The following ROBO1 variants were observed in gnomAD, a reference collection of about 807,000 sequenced individuals.
ROBO1 encodes roundabout guidance receptor 1.
In ROBO1, 149 loss-of-function variants were observed where a neutral mutation model predicts 195.9. That is an observed-to-expected ratio of 0.76 (90% CI 0.67 to 0.87). ROBO1 has a LOEUF of 0.87. ROBO1 is among the 40% of genes least tolerant of loss of function. The pLI, the probability that ROBO1 is intolerant of heterozygous loss-of-function variation, is 0.00. For synonymous variants in ROBO1, 816 were observed against 733.2 expected (o/e 1.11, Z -1.82); for missense variants, 1,933 against 2,068.3 (o/e 0.93, Z 1.27).
chr3:79,402,655 GA>G (rs1254275698), intron 2 of ROBO1, among the ~76,000 whole-genome samples: 1 of 151,940 alleles, frequency 6.6e-6, no homozygotes, highest in Non-Finnish European at 1.5e-5. Flanking sequence ...GAGACCCAGA[GA>G]GATCATGCCA....
intron 1 of ROBO1, among the ~76,000 whole-genome samples, chr3:79,683,981 G>C (rs1196085669): frequency 6.6e-6 from 1 of 152,028 alleles, no homozygotes; most frequent in Non-Finnish European, 1.5e-5. Context: ...GGAATTGTTA[G>C]GTCTTATGGT....
intron 2 of ROBO1, among the ~76,000 whole-genome samples, chr3:79,170,129 T>C (rs544259975): frequency 6.6e-6 from 1 of 152,110 alleles, no homozygotes; most frequent in South Asian, 2.1e-4. Context: ...GGCTCTTTCA[T>C]GAAATATTCT....
intron 3 of ROBO1, among the ~76,000 whole-genome samples, chr3:79,101,580 A>G (rs1332007695): frequency 2.0e-5 from 3 of 151,688 alleles, no homozygotes; most frequent in Non-Finnish European, 4.4e-5. Context: ...GAAGGCTCTC[A>G]TCCTCACCGT....
At chr3:79,554,465 G>T (rs1367804065) in intron 2 of ROBO1, among the ~76,000 whole-genome samples, 1 of 152,050 alleles carries the variant, frequency 6.6e-6, no homozygotes, top group African/African-American at 2.4e-5. Flanking sequence ...TGAAAGGATG[G>T]TTAAAACTGA....
At chr3:78,639,213 T>C (rs1205469605) in intron 22 of ROBO1, among the ~76,000 whole-genome samples, 1 of 151,668 alleles carries the variant, frequency 6.6e-6, no homozygotes, top group Non-Finnish European at 1.5e-5. Context: ...TCCCAGCACT[T>C]TGGGAAGCCG....
chr3:78,793,073 A>G (rs2084072585), intron 4 of ROBO1, among the ~76,000 whole-genome samples: 1 of 151,704 alleles, frequency 6.6e-6, no homozygotes, highest in South Asian at 2.1e-4. Flanking sequence ...GTGAGCAGTG[A>G]TCTTGCCACT....
intron 1 of ROBO1, among the ~76,000 whole-genome samples, chr3:79,739,526 G>T (rs1703534313): frequency 6.6e-6 from 1 of 151,964 alleles, no homozygotes; most frequent in African/African-American, 2.4e-5. Context: ...ATACATGAAT[G>T]ATGTTCATAT....
chr3:78,604,047 T>C (rs543847705), intron 29 of ROBO1, among the ~76,000 whole-genome samples: 240 of 151,980 alleles, frequency 1.6e-3, no homozygotes, highest in African/African-American at 5.4e-3. Flanking sequence ...TACTTTTTAA[T>C]TTTTTAAAAT....
intron 2 of ROBO1, among the ~76,000 whole-genome samples, chr3:79,226,072 C>T (rs753951077): frequency 2.0e-5 from 3 of 152,160 alleles, no homozygotes; most frequent in Non-Finnish European, 2.9e-5. Context: ...ATTTTTTTAA[C>T]CTCATATGAA....
intron 2 of ROBO1, among the ~76,000 whole-genome samples, chr3:79,353,455 A>G (rs2035424637): frequency 6.6e-6 from 1 of 152,050 alleles, no homozygotes; most frequent in African/African-American, 2.4e-5. Context: ...ATGTACGCAA[A>G]AATAATTTCC....
intron 1 of ROBO1, among the ~76,000 whole-genome samples, chr3:79,680,366 T>G (rs746376105): frequency 2.6e-5 from 4 of 151,992 alleles, no homozygotes; most frequent in Non-Finnish European, 5.9e-5. Flanking sequence ...AGGAAGAATG[T>G]CAAAGAACAA....
chr3:78,839,684 C>A (rs151256934), intron 4 of ROBO1, among the ~76,000 whole-genome samples: 1,627 of 152,246 alleles, frequency 0.011, 11 homozygotes, highest in Middle Eastern at 0.017. Flanking sequence ...CCAATTCAAA[C>A]TAAATCTTTA....
chr3:78,990,970 C>T (rs2077223660), intron 3 of ROBO1, among the ~76,000 whole-genome samples: 1 of 152,162 alleles, frequency 6.6e-6, no homozygotes, highest in African/African-American at 2.4e-5. Context: ...AGGACTCAGT[C>T]TGTGGTTGTT....
At chr3:79,658,045 A>G (rs919813225) in intron 1 of ROBO1, among the ~76,000 whole-genome samples, 1 of 152,166 alleles carries the variant, frequency 6.6e-6, no homozygotes, top group African/African-American at 2.4e-5. Flanking sequence ...ATTGCAGGTA[A>G]GAAAAAGATT....
In ROBO1 at chr3:78,659,724, G is replaced by C. The variant is rs368241120; in HGVS notation, c.2404C>G (p.Pro802Ala). The change falls in exon 17 of 31, where the codon CCA (proline) becomes GCA (alanine). Residue 802 changes from proline (P) to alanine (A), a missense_variant. This residue lies in a region of ROBO1 where 1,737 missense variants were observed against 1,882.5 expected (regional missense o/e 0.92). Coordinates refer to ENST00000464233, the MANE Select transcript of ROBO1 (RefSeq NM_002941.4). ...TAILVSWQPP[P>A]EDTQNGMVQE... is the part of the protein sequence containing the mutation. ...ACCATTCCATTTTGAGTGTCTTCTG[G>C]AGGTGGCTGCCAACTAACTAGAATT... 1 of 1,569,922 alleles carries C rather than the reference G, an allele frequency of 6.4e-7. No individual in the cohort carries two copies. The highest frequency in any genetic ancestry group is 8.7e-7 in the Non-Finnish European group (1 of 1,155,938).
intron 4 of ROBO1, among the ~76,000 whole-genome samples, chr3:78,809,947 C>G (rs1224976155): frequency 6.6e-6 from 1 of 151,006 alleles, no homozygotes; most frequent in Non-Finnish European, 1.5e-5. Context: ...TGTAACAAAC[C>G]TGCACGTTCT....
At chr3:79,505,211 A>G (rs1940323851) in intron 2 of ROBO1, among the ~76,000 whole-genome samples, 1 of 130,880 alleles carries the variant, frequency 7.6e-6, no homozygotes, top group Non-Finnish European at 1.6e-5. Flanking sequence ...ACTTCTTTCT[A>G]TATATTTTTT....
chr3:79,070,880 T>G (rs545980888), intron 3 of ROBO1, among the ~76,000 whole-genome samples: 1 of 151,842 alleles, frequency 6.6e-6, no homozygotes, highest in Non-Finnish European at 1.5e-5. Context: ...TTTGACTCTA[T>G]AGCTAATTCT....
intron 3 of ROBO1, among the ~76,000 whole-genome samples, chr3:79,068,659 G>A (rs1365520090): frequency 6.6e-6 from 1 of 151,376 alleles, no homozygotes; most frequent in Non-Finnish European, 1.5e-5. Flanking sequence ...TCTCTTCTCT[G>A]TTTATTTGCA....
Sources: gnomAD v4.1 joint callset for allele counts (sites outside exome capture counted in the v4.1 genomes callset) on GRCh38, gnomAD v4.1.1 for gene constraint, gnomAD v4.1.1 regional missense constraint, MANE v1.5 for transcripts, NCBI Gene and HGNC (gene_info 2026-07-23, HGNC 2026-07-21) for gene names.